Variants in SMARCA1 observed in about 807,000 individuals in gnomAD.
SMARCA1 encodes the protein SNF2 related chromatin remodeling ATPase 1, also known as SWI/SNF-related matrix-associated actin-dependent regulator of chromatin subfamily A member 1.
Under a neutral mutation model 93.6 loss-of-function variants are expected in SMARCA1, and 17 were observed. That is an observed-to-expected ratio of 0.18 (90% CI 0.12 to 0.27). The LOEUF (loss-of-function observed/expected upper bound fraction) is 0.27. Among genes scored for constraint, SMARCA1 ranks in the 10% least tolerant of loss-of-function variants. The pLI is 1.00. For missense variants in SMARCA1, 630 were observed against 819.0 expected (o/e 0.77, Z 2.82); for synonymous variants, 271 against 271.4 (o/e 1.00, Z 0.01).
intron 10 of SMARCA1, 146 bp from the exon 11 acceptor site, chrX:129,498,217 T>C (rs1260644076): frequency 4.4e-6 from 2 of 458,742 alleles, no homozygotes; most frequent in Non-Finnish European, 3.9e-6. Flanking sequence ...ACCTACAAAG[T>C]AATGAATATT....
chrX:129,481,245 T>A (rs1933643937), intron 17 of SMARCA1, 60 bp from the exon 18 acceptor site: 1 of 706,595 alleles, frequency 1.4e-6, no homozygotes, highest in South Asian at 2.5e-5. Context: ...TTTATCAAAA[T>A]CAAGTACATC....
At chrX:129,505,990 A>G (rs1330948837) in intron 8 of SMARCA1, 90 bp downstream of exon 8, 7 of 719,725 alleles carry the variant, frequency 9.7e-6, no homozygotes, top group Non-Finnish European at 1.4e-5. Context: ...TACAAATTAA[A>G]AAGTACCATA....
chrX:129,504,568 A>AAAT (rs1569446153), intron 9 of SMARCA1, among the ~76,000 whole-genome samples, 166 bp downstream of exon 9: 1 of 98,024 alleles, frequency 1.0e-5, no homozygotes, highest in African/African-American at 4.2e-5. Flanking sequence ...AAAAAAAAAA[A>AAAT]AAAAAAAAAA....
chrX:129,452,887 T>A (rs111620042), intron 23 of SMARCA1, among the ~76,000 whole-genome samples: 2,189 of 112,169 alleles, frequency 0.02, 50 homozygotes, highest in African/African-American at 0.066. Flanking sequence ...AGAGGATATG[T>A]TTACTTCATG....
chrX:129,517,574 C>T (rs1935249534), intron 2 of SMARCA1, among the ~76,000 whole-genome samples: 1 of 110,717 alleles, frequency 9.0e-6, no homozygotes, highest in Non-Finnish European at 1.9e-5. Context: ...CATTGCCTAC[C>T]TACATTAGAT....
chrX:129,447,419 C>G, intron 24 of SMARCA1, 186 bp from the exon 25 acceptor site: 1 of 363,377 alleles, frequency 2.8e-6, no homozygotes, highest in Middle Eastern at 7.8e-4. Context: ...AAATAACCTT[C>G]AAAGATGTTT....
rs1935490066 is a variant in SMARCA1, at chrX:129,523,330, G to A, written c.41C>T (p.Ala14Val). Reference sequence around the variant, plus strand: ...CACGATAGTGGCGGTCGCATCCGCGGCTGCCACGGTGGCTGCCACTGCGGC... The same window carrying A: ...CACGATAGTGGCGGTCGCATCCGCGACTGCCACGGTGGCTGCCACTGCGGC... Reference protein sequence around the residue: ...DTAAVAATVAAADATATIVVI... With the variant: ...DTAAVAATVAVADATATIVVI... Residue 14 changes from alanine to valine, a missense_variant, in exon 1 of 25, where the codon GCC becomes GTC. Transcript: ENST00000371121. 1 of 1,199,021 alleles carries A rather than the reference G, an allele frequency of 8.3e-7. No individual in the cohort carries two copies.
rs769981337 is a variant in SMARCA1, at chrX:129,448,421, G to A, written c.3053C>T (p.Thr1018Ile). ...TTCTTTCTCAATCAATGAAATCAGA[G>A]TGTTACAGCGTCTCTGGAATTCCTA... ...TAMEFQRRCN[T>I]LISLIEKENM... The change falls in exon 24 of 25, where the codon ACT (threonine) becomes ATT (isoleucine). Residue 1018 changes from threonine to isoleucine, a missense_variant. By Grantham distance (89) the Thr-to-Ile change is moderately conservative. Coordinates refer to ENST00000371121, the MANE Select transcript of SMARCA1 (RefSeq NM_001282874.2). 8.4e-7 allele frequency: 1 copy of A among 1,190,257 alleles called. No homozygotes were observed. Among genetic ancestry groups the A allele is most frequent in the Non-Finnish European group, 1.1e-6 (1 of 880,144 alleles).
intron 5 of SMARCA1, among the ~76,000 whole-genome samples, chrX:129,513,848 T>C (rs935387211): frequency 1.8e-5 from 2 of 111,263 alleles, no homozygotes; most frequent in Non-Finnish European, 3.8e-5. Flanking sequence ...CAGGGATGAG[T>C]ACTTATGCGA....
At chrX:129,510,599 A>G (rs1283631005) in intron 6 of SMARCA1, among the ~76,000 whole-genome samples, 1 of 111,977 alleles carries the variant, frequency 8.9e-6, no homozygotes, top group African/African-American at 3.3e-5. Flanking sequence ...TTTTCAAGCC[A>G]CCAGAATCCC....
intron 9 of SMARCA1, among the ~76,000 whole-genome samples, chrX:129,501,441 G>A (rs371566328): frequency 3.7e-5 from 4 of 109,038 alleles, no homozygotes; most frequent in African/African-American, 1.0e-4. Flanking sequence ...GACTACAGGC[G>A]CACGCCACCA....
intron 23 of SMARCA1, among the ~76,000 whole-genome samples, chrX:129,454,201 C>T (rs1602642577): frequency 8.9e-6 from 1 of 112,070 alleles, no homozygotes; most frequent in African/African-American, 3.2e-5. Flanking sequence ...AAAGGATTCC[C>T]TATTTAATAA....
At chrX:129,500,163 T>TTTTG (rs1025331429) in intron 9 of SMARCA1, among the ~76,000 whole-genome samples, 2 of 110,492 alleles carry the variant, frequency 1.8e-5, no homozygotes, top group African/African-American at 3.3e-5. Flanking sequence ...CACAAGATTT[T>TTTTG]TTTGTTTGTT....
At chrX:129,513,469 A>C (rs1440244677) in intron 5 of SMARCA1, among the ~76,000 whole-genome samples, 1 of 108,034 alleles carries the variant, frequency 9.3e-6, no homozygotes, top group Non-Finnish European at 1.9e-5. Flanking sequence ...GGTTGCAGTA[A>C]GCAATGATCA....
At position 129,481,144 on chromosome X, in the gene SMARCA1, G is replaced by A; in HGVS notation, c.2259C>T (p.Arg753=). 8.3e-7 allele frequency: 1 copy of A among 1,207,017 alleles called. No homozygotes were observed. The highest frequency in any genetic ancestry group is 1.1e-6 in the Non-Finnish European group (1 of 891,967). Residue 753 remains arginine (R), a synonymous_variant, in exon 18 of 25, where the codon CGC becomes CGT. Transcript: ENST00000371121. ...AGGCATCCACTGCGTAGTTTGCTTT[G>A]CGTTCTCGTTTAGGAGGTTCAATCC... The part of the protein sequence containing the change: ...VEWIEPPKRE[R]KANYAVDAYF...
At chrX:129,486,835 T>C (rs73633903) in intron 17 of SMARCA1, among the ~76,000 whole-genome samples, 183 bp downstream of exon 17, 58 of 109,964 alleles carry the variant, frequency 5.3e-4, no homozygotes, top group Admixed American at 1.3e-3. Context: ...ATGATGATGA[T>C]GACGACGACG....
At chrX:129,470,829 A>T in intron 20 of SMARCA1, among the ~76,000 whole-genome samples, 1 of 111,978 alleles carries the variant, frequency 8.9e-6, no homozygotes, top group East Asian at 2.8e-4. Context: ...AGATCGCACC[A>T]CTGCACTCCG....
chrX:129,454,163 A>C, intron 23 of SMARCA1, among the ~76,000 whole-genome samples: 1 of 112,040 alleles, frequency 8.9e-6, no homozygotes, highest in Non-Finnish European at 1.9e-5. Flanking sequence ...CTGATCTTTG[A>C]CAAACCTGAC....
chrX:129,495,698 T>C (rs993742364), intron 12 of SMARCA1, among the ~76,000 whole-genome samples: 4 of 110,373 alleles, frequency 3.6e-5, no homozygotes, highest in Non-Finnish European at 5.7e-5. Flanking sequence ...ATCTTGTTTA[T>C]ATCAATTAGC....
Sources: gnomAD v4.1 joint callset for allele counts (sites outside exome capture counted in the v4.1 genomes callset) on GRCh38, gnomAD v4.1.1 for gene constraint, MANE v1.5 for transcripts, NCBI Gene and HGNC (gene_info 2026-07-23, HGNC 2026-07-21) for gene names.